The following BCCIP variants were observed in gnomAD, a reference collection of about 807,000 sequenced individuals.
BCCIP encodes BRCA2 and CDKN1A-interacting protein.
In BCCIP, 23 loss-of-function variants were observed where a neutral mutation model predicts 32.8. That is an observed-to-expected ratio of 0.70 (90% confidence interval 0.51 to 0.99). The LOEUF is 0.99. Ranked by LOEUF, BCCIP falls within the 50% of genes least tolerant of loss-of-function variation. BCCIP has a pLI of 0.00. For missense variants in BCCIP, 378 were observed against 379.8 expected, an observed-to-expected ratio of 1.00 and a Z score of 0.04; for synonymous variants, 144 against 137.6, an observed-to-expected ratio of 1.05 and a Z score of -0.33.
In BCCIP at chr10:125,823,977, TGTTCTTCTCGTCCTCTTTA is replaced by T. The variant is rs936751791; in HGVS notation, c.165+261_165+279del. On this transcript the variant is annotated intron_variant, in intron 1 of 6. Transcript: ENST00000278100. ...CCGAAAAAGCCCGCCACAACAGGTG[TGTTCTTCTCGTCCTCTTTA>T]GTTCTCAGGCTGAAGCCTCAGATCC... Among the ~76,000 whole-genome samples, 43 of 152,304 alleles carry T rather than the reference TGTTCTTCTCGTCCTCTTTA, an allele frequency of 2.8e-4. 1 individual carries two copies. The South Asian group carries it at 3.3e-3, about 12-fold the overall frequency.
chr10:125,839,843 G>T (rs1854819425), downstream of BCCIP, among the ~76,000 whole-genome samples: 1 of 152,098 alleles, frequency 6.6e-6, no homozygotes, highest in Admixed American at 6.6e-5. Context: ...ATGGACAGAA[G>T]ACCCTCATTT....
downstream of BCCIP, chr10:125,841,311 A>G (rs1423270741): frequency 6.2e-7 from 1 of 1,614,238 alleles, no homozygotes; most frequent in South Asian, 1.1e-5. Context: ...GATTGGAACC[A>G]GTTCCGATAC....
chr10:125,827,828 C>T (rs1048709549), intron 3 of BCCIP, among the ~76,000 whole-genome samples, 190 bp downstream of exon 3: 7 of 151,974 alleles, frequency 4.6e-5, no homozygotes, highest in Non-Finnish European at 7.4e-5. Context: ...AAAAATTAGC[C>T]GGGCATAGTA....
At chr10:125,839,602 CA>C (rs1854813095), downstream of BCCIP, among the ~76,000 whole-genome samples, 1 of 152,192 alleles carries the variant, frequency 6.6e-6, no homozygotes, top group Non-Finnish European at 1.5e-5. Flanking sequence ...AAAAAGCCCA[CA>C]GTATAAATTC....
At chr10:125,840,240 G>A (rs1360624541), downstream of BCCIP, among the ~76,000 whole-genome samples, 1 of 152,148 alleles carries the variant, frequency 6.6e-6, no homozygotes, top group Non-Finnish European at 1.5e-5. Context: ...TGACTTCTGA[G>A]TACCTTCCTG....
chr10:125,831,951 A>G (rs1165368665), intron 5 of BCCIP, among the ~76,000 whole-genome samples: 1 of 152,216 alleles, frequency 6.6e-6, no homozygotes, highest in Non-Finnish European at 1.5e-5. Context: ...TACAACAATA[A>G]CAAAACTGGT....
chr10:125,828,119 A>G (rs1854446137), intron 3 of BCCIP, among the ~76,000 whole-genome samples: 1 of 152,036 alleles, frequency 6.6e-6, no homozygotes, highest in Non-Finnish European at 1.5e-5. Context: ...GGAGAGGGAG[A>G]GAAGTGGGCT....
At chr10:125,831,823 CTTAAGAT>C (rs1339341741) in intron 5 of BCCIP, among the ~76,000 whole-genome samples, 1 of 152,144 alleles carries the variant, frequency 6.6e-6, no homozygotes, top group African/African-American at 2.4e-5. Context: ...GAAATTTTAA[CTTAAGAT>C]TTAAGTGATA....
At chr10:125,852,286 A>T (rs1309512838) in intron 7 of BCCIP, 1 of 1,612,634 alleles carries the variant, frequency 6.2e-7, no homozygotes, top group Non-Finnish European at 8.5e-7. Context: ...TGGGAGCATA[A>T]GGCTACCTGG....
chr10:125,850,769 A>C (rs1195333088), intron 7 of BCCIP, among the ~76,000 whole-genome samples: 1 of 152,208 alleles, frequency 6.6e-6, no homozygotes, highest in Non-Finnish European at 1.5e-5. Flanking sequence ...AGAATCATAG[A>C]TCATACCAAA....
chr10:125,849,253 A>G (rs1397770856), intron 7 of BCCIP, among the ~76,000 whole-genome samples: 1 of 152,234 alleles, frequency 6.6e-6, no homozygotes. Context: ...TTCCGCCTGC[A>G]CTGTTGCACG....
chr10:125,838,791 T>C (rs1854780879), downstream of BCCIP, among the ~76,000 whole-genome samples: 2 of 152,226 alleles, frequency 1.3e-5, no homozygotes, highest in African/African-American at 2.4e-5. Flanking sequence ...CATAATGATA[T>C]GTCATTTTTC....
chr10:125,823,944 C>A (rs1854267211), intron 1 of BCCIP, among the ~76,000 whole-genome samples: 1 of 152,174 alleles, frequency 6.6e-6, no homozygotes, highest in African/African-American at 2.4e-5. Context: ...TCCCAACCCG[C>A]GTCCTCCCCG....
Position 125,833,960 on chromosome 10 carries a change from G to C in BCCIP, c.774+14G>C, listed in dbSNP as rs971237407. 6.2e-7 allele frequency: 1 copy of C among 1,611,204 alleles called. No homozygotes were observed. Among genetic ancestry groups the C allele is most frequent in the Non-Finnish European group, 8.5e-7 (1 of 1,178,306 alleles). ...TTTTTCTATGAGGTAAGACTATCCT[G>C]CTTATTTGTTTAGATGTAAATAAGG... On this transcript the variant is annotated intron_variant, in intron 6 of 6. Coordinates refer to ENST00000278100, the MANE Select transcript of BCCIP (RefSeq NM_078468.3).
intron 7 of BCCIP, chr10:125,852,175 C>T: frequency 7.6e-7 from 1 of 1,309,452 alleles, no homozygotes; most frequent in African/African-American, 1.5e-5. Flanking sequence ...CAGTCCAAAC[C>T]AACGCCCCCT....
At position 125,833,806 on chromosome 10, in the gene BCCIP, C is replaced by G. The variant is rs1262973355; in HGVS notation, c.634C>G (p.Pro212Ala). The part of the protein sequence containing the change: ...ELAGAHRTNK[P>A]CGKCYFYLLI... ...GGCGGGGGCACACAGAACCAATAAG[C>G]CATGTGGGAAGTGCTACTTTTACCT... The change falls in exon 6 of 7, where the codon CCA becomes GCA. Residue 212 changes from proline to alanine, a missense_variant. By Grantham distance (27) the Pro-to-Ala change is conservative. Coordinates refer to ENST00000278100, the MANE Select transcript of BCCIP (RefSeq NM_078468.3). 3 of 1,614,104 alleles carry G rather than the reference C, an allele frequency of 1.9e-6. No individual in the cohort carries two copies. The highest frequency in any genetic ancestry group is 1.7e-6 in the Non-Finnish European group (2 of 1,180,034).
rs192166510 is a variant in BCCIP at position 125,847,876 on chromosome 10, A to G, written c.851-5249A>G. Among the ~76,000 whole-genome samples, 702 of 152,148 alleles carry G rather than the reference A, an allele frequency of 4.6e-3. 2 individuals carry two copies. The highest frequency in any genetic ancestry group is 0.016 in the African/African-American group (658 of 41,504). On this transcript the variant is annotated intron_variant, in intron 7 of 7. Coordinates refer to the BCCIP transcript ENST00000368759. ...TAATAGGGTTCGAGCTCCTACGAGA[A>G]TCCAGTGCTGCCACTGATCTGACAG... is the stretch of plus-strand genomic sequence containing the variant.
At chr10:125,847,413 C>A (rs1049499701), downstream of BCCIP, among the ~76,000 whole-genome samples, 1 of 152,196 alleles carries the variant, frequency 6.6e-6, no homozygotes, top group Non-Finnish European at 1.5e-5. Context: ...ATAATGCATT[C>A]TATAACAGAG....
At position 125,823,738 on chromosome 10, in the gene BCCIP, T is replaced by C; in HGVS notation, c.165+16T>C. On this transcript the variant is annotated intron_variant, in intron 1 of 6. Transcript: ENST00000278100. The stretch of plus-strand genomic sequence containing the variant: ...CATTGACGAGGTGAGAAGGACACGC[T>C]CCCCTAGTTGGTTTATACCTGAGAA... 1 of 1,613,750 alleles carries C rather than the reference T, an allele frequency of 6.2e-7. No homozygotes were observed.
Sources: gnomAD v4.1 joint callset for allele counts (sites outside exome capture counted in the v4.1 genomes callset) on GRCh38, gnomAD v4.1.1 for gene constraint, MANE v1.5 for transcripts, NCBI Gene and HGNC (gene_info 2026-07-23, HGNC 2026-07-21) for gene names.